ESR2: variants seen among roughly 807,000 people sequenced by gnomAD.
ESR2 encodes estrogen receptor 2.
ESR2 carries 36 observed loss-of-function variants against 49.6 expected under a neutral mutation model. The ratio of observed to expected loss-of-function variants is 0.73; its 90% CI spans 0.56 to 0.96. The LOEUF (loss-of-function observed/expected upper bound fraction) is 0.96, where lower values mean the gene tolerates loss of function less well. Among genes scored for constraint, ESR2 ranks in the 40% least tolerant of loss-of-function variants. The pLI is 0.00. For missense variants in ESR2, 714 were observed against 693.0 expected, an observed-to-expected ratio of 1.03 and a Z score of -0.34; for synonymous variants, 320 against 266.1, an observed-to-expected ratio of 1.20 and a Z score of -1.97.
intron 6 of ESR2, among the ~76,000 whole-genome samples, chr14:64,252,103 G>A (rs2075999149): frequency 6.6e-6 from 1 of 152,138 alleles, no homozygotes; most frequent in Non-Finnish European, 1.5e-5. Context: ...GATCACTTGA[G>A]GCCAAGAGTT....
intron 1 of ESR2, among the ~76,000 whole-genome samples, chr14:64,302,416 T>C (rs755063535): frequency 2.0e-5 from 3 of 151,696 alleles, no homozygotes; most frequent in Non-Finnish European, 4.4e-5. Flanking sequence ...CTCAATCTCT[T>C]GATCTCGTGA....
chr14:64,285,880 T>G (rs2076777859), intron 1 of ESR2, among the ~76,000 whole-genome samples: 2 of 152,002 alleles, frequency 1.3e-5, no homozygotes, highest in Non-Finnish European at 2.9e-5. Flanking sequence ...ATTCAGATTT[T>G]TAGCTCCTTG....
At position 64,229,603 on chromosome 14, in the gene ESR2, TTTTC is replaced by T. The variant is rs1438537533; in HGVS notation, c.*3530_*3533del. Among the ~76,000 whole-genome samples the T allele has an allele frequency of 6.6e-6, 1 of 152,136 alleles. No homozygotes were observed. Among genetic ancestry groups the T allele is most frequent in the Non-Finnish European group, 1.5e-5 (1 of 68,020 alleles). On this transcript the variant is annotated 3_prime_UTR_variant, in exon 9 of 9. Coordinates refer to ENST00000341099, the MANE Select transcript of ESR2 (RefSeq NM_001437.3). ...GATAGATTCTGCAGTTTTAAAATAT[TTTTC>T]TTTAAATTTTTAAACTGTTTGAAGT...
At chr14:64,270,573 C>T (rs758221191) in intron 3 of ESR2, among the ~76,000 whole-genome samples, 3 of 152,030 alleles carry the variant, frequency 2.0e-5, no homozygotes, top group Non-Finnish European at 4.4e-5. Flanking sequence ...CGCAGTGGCA[C>T]GATCTCGACT....
chr14:64,305,466 C>G (rs930541458), intron 1 of ESR2, among the ~76,000 whole-genome samples: 4 of 150,184 alleles, frequency 2.7e-5, no homozygotes, highest in South Asian at 4.2e-4. Flanking sequence ...GTCAGGAGAT[C>G]GAGACCATCC....
chr14:64,257,898 G>A (rs1322721023), intron 5 of ESR2, among the ~76,000 whole-genome samples: 1 of 152,164 alleles, frequency 6.6e-6, no homozygotes, highest in Admixed American at 6.5e-5. Flanking sequence ...TCCTTCTTCT[G>A]GGTAGAAGCA....
intron 1 of ESR2, among the ~76,000 whole-genome samples, chr14:64,301,058 G>T (rs1165518415): frequency 6.6e-6 from 1 of 152,204 alleles, no homozygotes; most frequent in Non-Finnish European, 1.5e-5. Flanking sequence ...CCATTTTACA[G>T]ATGAGAAGAT....
chr14:64,287,339 C>A (rs886985477), intron 1 of ESR2, among the ~76,000 whole-genome samples: 1 of 152,186 alleles, frequency 6.6e-6, no homozygotes, highest in Non-Finnish European at 1.5e-5. Flanking sequence ...ATACACCTAG[C>A]CAATCAATCA....
chr14:64,258,469 C>G (rs1369044555), intron 5 of ESR2, among the ~76,000 whole-genome samples: 1 of 152,180 alleles, frequency 6.6e-6, no homozygotes, highest in Non-Finnish European at 1.5e-5. Context: ...CCAGCTCAGC[C>G]TCTTTCTAGC....
intron 1 of ESR2, among the ~76,000 whole-genome samples, chr14:64,315,535 C>T (rs776080431): frequency 9.9e-5 from 15 of 151,838 alleles, no homozygotes; most frequent in Non-Finnish European, 1.9e-4. Context: ...AGTGCAGTGG[C>T]GCCATCTTGA....
chr14:64,250,496 C>G (rs2075965076), intron 6 of ESR2, among the ~76,000 whole-genome samples: 1 of 152,178 alleles, frequency 6.6e-6, no homozygotes, highest in African/African-American at 2.4e-5. Context: ...ACACATTATT[C>G]CACCTCACTG....
intron 1 of ESR2, among the ~76,000 whole-genome samples, chr14:64,289,666 T>C (rs2076840770): frequency 6.6e-6 from 1 of 151,856 alleles, no homozygotes; most frequent in Non-Finnish European, 1.5e-5. Flanking sequence ...AATGTCTTTA[T>C]GGCCACCCTG....
chr14:64,265,651 G>A (rs1186551865), intron 4 of ESR2, among the ~76,000 whole-genome samples: 1 of 152,198 alleles, frequency 6.6e-6, no homozygotes. Flanking sequence ...TGGCTATTCA[G>A]AGGGATTTCC....
intron 3 of ESR2, among the ~76,000 whole-genome samples, chr14:64,274,333 A>G (rs770693928): frequency 2.0e-5 from 3 of 152,134 alleles, no homozygotes; most frequent in Non-Finnish European, 4.4e-5. Context: ...GTTCAATCTT[A>G]ACAGTATGTA....
intron 1 of ESR2, among the ~76,000 whole-genome samples, chr14:64,313,657 A>T (rs895554579): frequency 6.6e-6 from 1 of 151,924 alleles, no homozygotes; most frequent in African/African-American, 2.4e-5. Flanking sequence ...TGGAAGGCTG[A>T]GGCGGGTGGA....
At chr14:64,305,127 A>G (rs1429176008) in intron 1 of ESR2, among the ~76,000 whole-genome samples, 1 of 150,970 alleles carries the variant, frequency 6.6e-6, no homozygotes, top group African/African-American at 2.4e-5. Flanking sequence ...CGTCTCTACT[A>G]AAAATACAAA....
chr14:64,295,297 T>C (rs2076942860), upstream of ESR2, among the ~76,000 whole-genome samples: 1 of 152,100 alleles, frequency 6.6e-6, no homozygotes, highest in South Asian at 2.1e-4. Flanking sequence ...AGATCTCTAA[T>C]AGAGGAAGAC....
chr14:64,304,088 G>A (rs998759605), intron 1 of ESR2, among the ~76,000 whole-genome samples: 2 of 152,208 alleles, frequency 1.3e-5, no homozygotes, highest in Non-Finnish European at 2.9e-5. Context: ...TGAGATGGGA[G>A]GATTGCTTGA....
intron 1 of ESR2, among the ~76,000 whole-genome samples, chr14:64,286,608 TTTAA>T (rs982849697): frequency 7.2e-5 from 11 of 152,126 alleles, no homozygotes; most frequent in Non-Finnish European, 8.8e-5. Flanking sequence ...AATTTTGTAT[TTTAA>T]TTACTTAGAT....
Sources: gnomAD v4.1 joint callset for allele counts (sites outside exome capture counted in the v4.1 genomes callset) on GRCh38, gnomAD v4.1.1 for gene constraint, MANE v1.5 for transcripts, NCBI Gene and HGNC (gene_info 2026-07-23, HGNC 2026-07-21) for gene names.